ANKRD44: variants seen among roughly 807,000 people sequenced by gnomAD.
ANKRD44 encodes the protein serine/threonine-protein phosphatase 6 regulatory ankyrin repeat subunit B.
In ANKRD44, 35 loss-of-function variants were observed where a neutral mutation model predicts 116.0. The observed-to-expected ratio is 0.30, with a 90% CI of 0.23 to 0.40. The LOEUF (loss-of-function observed/expected upper bound fraction) is 0.40, where lower values mean the gene tolerates loss of function less well. ANKRD44 is among the 10% of genes least tolerant of loss of function. ANKRD44 has a pLI of 1.00. For missense variants in ANKRD44, 1,014 were observed against 1,242.6 expected, an observed-to-expected ratio of 0.82 and a Z score of 2.77; for synonymous variants, 435 against 461.8, an observed-to-expected ratio of 0.94 and a Z score of 0.74.
Position 196,989,549 on chromosome 2 carries a change from CAT to C in ANKRD44, c.*40_*41del. On this transcript the variant is annotated 3_prime_UTR_variant, in exon 28 of 28. Transcript: ENST00000282272. ...ATATATATATATATACACACGCACACATATATGTGTGCATGTGTATGTGCATA... is the reference window on the plus strand; with the variant it reads ...ATATATATATATATACACACGCACACATATGTGTGCATGTGTATGTGCATA... 1.3e-6 allele frequency: 2 copies of C among 1,546,786 alleles called. No homozygotes were observed. The highest frequency in any genetic ancestry group is 1.7e-6 in the Non-Finnish European group (2 of 1,144,996).
At chr2:197,185,660 G>GT (rs1559132869) in intron 2 of ANKRD44, among the ~76,000 whole-genome samples, 1 of 152,270 alleles carries the variant, frequency 6.6e-6, no homozygotes, top group East Asian at 1.9e-4. Context: ...TTGAAGGTTT[G>GT]TTTTTTTGTG....
chr2:197,067,529 C>A (rs1209039165), intron 16 of ANKRD44, among the ~76,000 whole-genome samples: 4 of 141,504 alleles, frequency 2.8e-5, no homozygotes, highest in Non-Finnish European at 4.6e-5. Flanking sequence ...AAACAAACAA[C>A]CCCATCAAAA....
chr2:196,971,644 A>G (rs1237866294), intron 21 of ANKRD44, among the ~76,000 whole-genome samples: 1 of 152,198 alleles, frequency 6.6e-6, no homozygotes, highest in Non-Finnish European at 1.5e-5. Context: ...GCGTGTCTCT[A>G]CTTTTCTAAA....
chr2:197,251,677 T>C (rs1374134797), intron 1 of ANKRD44, among the ~76,000 whole-genome samples: 1 of 152,236 alleles, frequency 6.6e-6, no homozygotes, highest in Non-Finnish European at 1.5e-5. Flanking sequence ...TTAATCTTTC[T>C]GGATCTTGGT....
chr2:197,063,349 G>C (rs1027057872), intron 16 of ANKRD44, among the ~76,000 whole-genome samples: 9 of 152,140 alleles, frequency 5.9e-5, no homozygotes, highest in African/African-American at 1.9e-4. Context: ...CACAAAGATG[G>C]GGAAAAAACA....
intron 10 of ANKRD44, among the ~76,000 whole-genome samples, chr2:197,095,834 T>A (rs1415422412): frequency 6.6e-6 from 1 of 152,216 alleles, no homozygotes; most frequent in Admixed American, 6.5e-5. Context: ...GAAGCACTCA[T>A]AATGTTTGCT....
At chr2:197,045,391 C>T (rs1487509327) in intron 16 of ANKRD44, among the ~76,000 whole-genome samples, 1 of 152,122 alleles carries the variant, frequency 6.6e-6, no homozygotes, top group East Asian at 1.9e-4. Context: ...ACTTAAAGTC[C>T]TCTGCCTTAA....
chr2:197,099,184 C>T (rs570951047), intron 10 of ANKRD44, among the ~76,000 whole-genome samples: 1 of 152,294 alleles, frequency 6.6e-6, no homozygotes, highest in Admixed American at 6.5e-5. Flanking sequence ...AGATTGTCTA[C>T]ACCAAACATT....
intron 2 of ANKRD44, among the ~76,000 whole-genome samples, chr2:197,164,752 C>T (rs1377265154): frequency 6.6e-6 from 1 of 152,230 alleles, no homozygotes; most frequent in East Asian, 1.9e-4. Flanking sequence ...CAGCCTCCTC[C>T]ATGCATTCCC....
chr2:197,042,605 C>T (rs2076932063), intron 16 of ANKRD44, among the ~76,000 whole-genome samples: 1 of 152,192 alleles, frequency 6.6e-6, no homozygotes, highest in East Asian at 1.9e-4. Flanking sequence ...TACCCTCTCT[C>T]CCCCAATGTC....
intron 2 of ANKRD44, among the ~76,000 whole-genome samples, chr2:197,154,515 C>G (rs2079757434): frequency 1.3e-5 from 2 of 151,986 alleles, no homozygotes; most frequent in Non-Finnish European, 2.9e-5. Flanking sequence ...GTATGTTATG[C>G]CTGACATGGT....
At chr2:197,127,422 G>C (rs2079000834) in intron 4 of ANKRD44, among the ~76,000 whole-genome samples, 1 of 152,070 alleles carries the variant, frequency 6.6e-6, no homozygotes, top group South Asian at 2.1e-4. Context: ...TCTTTTAAAA[G>C]TTTTAAGCTT....
At chr2:197,298,931 A>G (rs895446934) in intron 1 of ANKRD44, among the ~76,000 whole-genome samples, 1 of 152,098 alleles carries the variant, frequency 6.6e-6, no homozygotes, top group African/African-American at 2.4e-5. Flanking sequence ...AAAAAAAAGA[A>G]AGAGAGAGAA....
rs541824781 is a variant in ANKRD44, at chr2:197,025,129, A to T, written c.1722+67T>A. 1.8e-4 allele frequency: 259 copies of T among 1,466,676 alleles called. 3 individuals carry two copies. In the South Asian group the frequency reaches 2.9e-3, roughly 16 times the overall value. The allele number at this position is 1,466,676 out of a possible 1,614,324, so 90.9% of individuals were successfully genotyped here. A position where few individuals can be genotyped will look rare whatever the true frequency, so the allele number is the denominator to read the frequency against. On this transcript the variant is annotated intron_variant, in intron 17 of 27. Transcript: ENST00000282272. ...GTTACTACATTTACATTTTAAGAGCAATCTAGTTTTAGGAATGCTTAGGTT... is the reference window on the plus strand; with the variant it reads ...GTTACTACATTTACATTTTAAGAGCTATCTAGTTTTAGGAATGCTTAGGTT...
chr2:196,974,638 C>T (rs1190021890), intron 21 of ANKRD44, among the ~76,000 whole-genome samples: 1 of 151,652 alleles, frequency 6.6e-6, no homozygotes, highest in East Asian at 1.9e-4. Flanking sequence ...GCCTGTAATC[C>T]CAGCACTTTG....
chr2:197,150,332 A>G (rs2079611683), intron 2 of ANKRD44, among the ~76,000 whole-genome samples: 1 of 152,132 alleles, frequency 6.6e-6, no homozygotes, highest in South Asian at 2.1e-4. Flanking sequence ...GCGGATCACA[A>G]GTTCAGGAGA....
At chr2:196,980,453 C>T (rs2075792660) in intron 21 of ANKRD44, among the ~76,000 whole-genome samples, 1 of 152,142 alleles carries the variant, frequency 6.6e-6, no homozygotes, top group South Asian at 2.1e-4. Flanking sequence ...AACCCGTTAG[C>T]TTTCTATTTA....
At chr2:197,205,613 C>T (rs1284526287) in intron 1 of ANKRD44, among the ~76,000 whole-genome samples, 2 of 152,182 alleles carry the variant, frequency 1.3e-5, no homozygotes, top group African/African-American at 4.8e-5. Flanking sequence ...GCCCACTCAA[C>T]AATCATTTCT....
At chr2:197,021,018 G>C (rs2076488488) in intron 17 of ANKRD44, among the ~76,000 whole-genome samples, 1 of 151,928 alleles carries the variant, frequency 6.6e-6, no homozygotes, top group Non-Finnish European at 1.5e-5. Context: ...TCATTGTTCA[G>C]TTTTCACCTA....
Sources: allele counts gnomAD v4.1 joint callset (sites outside exome capture counted in the v4.1 genomes callset), GRCh38; gene constraint gnomAD v4.1.1; transcripts MANE v1.5; gene names NCBI Gene and HGNC (gene_info 2026-07-23, HGNC 2026-07-21).